Variants in TMEM135 observed in about 807,000 individuals in gnomAD.
The protein encoded by TMEM135 is peroxisomal membrane protein 52.
TMEM135 carries 30 observed loss-of-function variants against 60.3 expected under a neutral mutation model. That is an observed-to-expected ratio of 0.50 (90% CI 0.37 to 0.68). The LOEUF is 0.68. TMEM135 is among the 30% of genes least tolerant of loss of function. The pLI, the probability that TMEM135 is intolerant of heterozygous loss-of-function variation, is 0.00. For synonymous variants in TMEM135, 190 were observed against 186.7 expected (o/e 1.02, Z -0.14); for missense variants, 468 against 548.8 (o/e 0.85, Z 1.47).
At chr11:87,091,456 T>G in intron 4 of TMEM135, 61 bp downstream of exon 4, 1 of 1,553,264 alleles carries the variant, frequency 6.4e-7, no homozygotes. Context: ...TAAAATCAAG[T>G]TTTCTTAAAA....
At chr11:87,213,064 G>C (rs1281715702) in intron 5 of TMEM135, among the ~76,000 whole-genome samples, 1 of 151,932 alleles carries the variant, frequency 6.6e-6, no homozygotes, top group African/African-American at 2.4e-5. Context: ...GGTTCTTATG[G>C]AGCTTACATT....
intron 1 of TMEM135, among the ~76,000 whole-genome samples, chr11:87,056,524 A>G (rs146849221): frequency 5.9e-5 from 9 of 152,360 alleles, no homozygotes; most frequent in Non-Finnish European, 7.3e-5. Context: ...CCTATCAAAG[A>G]TTAGTAAAGG....
intron 6 of TMEM135, among the ~76,000 whole-genome samples, chr11:87,269,630 G>T (rs1447358135): frequency 1.3e-5 from 2 of 151,474 alleles, no homozygotes; most frequent in Admixed American, 6.6e-5. Flanking sequence ...TTTATGAGAA[G>T]GATGATTTCC....
At chr11:87,275,630 A>G (rs370054220) in intron 6 of TMEM135, among the ~76,000 whole-genome samples, 9 of 152,250 alleles carry the variant, frequency 5.9e-5, no homozygotes, top group East Asian at 3.9e-4. Flanking sequence ...AAGAAAAGCC[A>G]AACTAGTCTG....
intron 6 of TMEM135, among the ~76,000 whole-genome samples, chr11:87,288,131 A>G (rs1015009901): frequency 6.6e-6 from 1 of 152,224 alleles, no homozygotes; most frequent in Non-Finnish European, 1.5e-5. Flanking sequence ...GTATCCTATT[A>G]GAGGACTTTC....
Position 87,325,665 on chromosome 11 carries a change from G to A in TMEM135, c.*4332G>A, listed in dbSNP as rs1166716962. 1 of 453,598 alleles carries A rather than the reference G, an allele frequency of 2.2e-6. No individual in the cohort carries two copies. Among genetic ancestry groups the A allele is most frequent in the South Asian group, 1.6e-5 (1 of 64,438 alleles). The allele number at this position is 453,598 out of a possible 1,614,324, so 28.1% of individuals were successfully genotyped here. A position where few individuals can be genotyped will look rare whatever the true frequency, so the allele number is the denominator to read the frequency against. On this transcript the variant is annotated 3_prime_UTR_variant, in exon 15 of 15. Transcript: ENST00000305494. The stretch of plus-strand genomic sequence containing the variant: ...TGAGAGGCTCTGGAGTGATCATAAC[G>A]GTGATAACAATGGAGTAAACATTTC...
At chr11:87,277,694 G>GT (rs1221774147) in intron 6 of TMEM135, among the ~76,000 whole-genome samples, 1 of 151,380 alleles carries the variant, frequency 6.6e-6, no homozygotes, top group African/African-American at 2.4e-5. Context: ...GCTAATTTTT[G>GT]TATTTTTAAT....
In TMEM135 at chr11:87,318,114, C is replaced by T. The variant is rs188132750; in HGVS notation, c.1078-23C>T. 929 of 1,587,444 alleles carry T rather than the reference C, an allele frequency of 5.9e-4. 4 individuals carry two copies. The highest frequency in any genetic ancestry group is 4.7e-4 in the Non-Finnish European group (549 of 1,157,444). On this transcript the variant is annotated intron_variant, in intron 12 of 14. Transcript: ENST00000305494. ...ATGCTGAGGTTTTTTCTTTATAACT[C>T]TTGTCTTATGCTTGTTTTGCAGACA...
rs950757897 is a variant in TMEM135, at chr11:87,045,093, G to A, written c.141+6907G>A. Among the ~76,000 whole-genome samples the A allele has an allele frequency of 2.3e-4, 35 of 151,644 alleles. 1 individual carries two copies. Among genetic ancestry groups the A allele is most frequent in the Non-Finnish European group, 3.7e-4 (25 of 67,948 alleles). ...TGCCCAGGCTGGAGTGCGGTGGCGC[G>A]ATCTAGGCTTACTGCAAGCTGCGCC... On this transcript the variant is annotated intron_variant, in intron 1 of 14. Coordinates refer to ENST00000305494, the MANE Select transcript of TMEM135 (RefSeq NM_022918.4).
intron 5 of TMEM135, among the ~76,000 whole-genome samples, chr11:87,214,607 T>C (rs912367395): frequency 6.6e-6 from 1 of 152,118 alleles, no homozygotes; most frequent in East Asian, 1.9e-4. Context: ...CACCAGGTTA[T>C]GAGGCAAAAT....
At chr11:87,063,030 C>A (rs865973129) in intron 1 of TMEM135, among the ~76,000 whole-genome samples, 6 of 151,968 alleles carry the variant, frequency 3.9e-5, no homozygotes, top group South Asian at 2.1e-4. Flanking sequence ...TCTCCTTGCC[C>A]CAATATTATA....
chr11:87,197,509 G>A (rs1783307017), intron 5 of TMEM135, among the ~76,000 whole-genome samples: 1 of 152,062 alleles, frequency 6.6e-6, no homozygotes, highest in Admixed American at 6.6e-5. Flanking sequence ...ACAGAATTGT[G>A]TCTGAAGTTA....
rs551706882 is a variant in TMEM135 at position 87,148,099 on chromosome 11, C to T, written c.397-9242C>T. On this transcript the variant is annotated intron_variant, in intron 4 of 14. Transcript: ENST00000305494. ...AAAGACATTGTAGACAGTTATTTCC[C>T]TCTGTCACTGACATAGAATGAATGT... Among the ~76,000 whole-genome samples the T allele has an allele frequency of 1.7e-4, 26 of 152,274 alleles. No individual in the cohort carries two copies. In the South Asian group the frequency reaches 4.2e-3, roughly 24 times the overall value.
chr11:87,285,409 T>C (rs1390849628), intron 6 of TMEM135, among the ~76,000 whole-genome samples: 1 of 152,176 alleles, frequency 6.6e-6, no homozygotes, highest in African/African-American at 2.4e-5. Context: ...GTCTGGAGTT[T>C]ATTCCTTCTG....
intron 4 of TMEM135, among the ~76,000 whole-genome samples, chr11:87,104,197 C>T (rs1314379053): frequency 6.6e-6 from 1 of 152,066 alleles, no homozygotes; most frequent in Non-Finnish European, 1.5e-5. Context: ...TTGTTCTTTT[C>T]CTGTTTTGTG....
intron 1 of TMEM135, among the ~76,000 whole-genome samples, chr11:87,045,172 GGTGCC>G (rs1279208029): frequency 3.3e-5 from 5 of 151,576 alleles, no homozygotes; most frequent in Non-Finnish European, 7.4e-5. Context: ...TTGGACTACA[GGTGCC>G]TGCCACCACG....
chr11:87,310,481 A>T (rs1942622506), intron 10 of TMEM135, among the ~76,000 whole-genome samples: 1 of 151,950 alleles, frequency 6.6e-6, no homozygotes, highest in South Asian at 2.1e-4. Context: ...CTTCTAGAGG[A>T]GGGAGGGAGG....
rs144043366 is a variant in TMEM135 at position 87,077,833 on chromosome 11, A to G, written c.362+6218A>G. ...TTGCTTCTTCTGGACATTTTATATA[A>G]TGGAGTCATACAATATGTGTCATTG... On this transcript the variant is annotated intron_variant, in intron 3 of 14. Transcript: ENST00000305494. Among the ~76,000 whole-genome samples the G allele has an allele frequency of 2.7e-3, 413 of 152,294 alleles. 2 individuals carry two copies. Among genetic ancestry groups the G allele is most frequent in the African/African-American group, 9.7e-3 (404 of 41,568 alleles).
intron 5 of TMEM135, among the ~76,000 whole-genome samples, chr11:87,162,604 T>C (rs1206190481): frequency 6.6e-6 from 1 of 152,228 alleles, no homozygotes; most frequent in Non-Finnish European, 1.5e-5. Context: ...CCACATTTTC[T>C]TTATCCAGTC....
Sources: gnomAD v4.1 joint callset for allele counts (sites outside exome capture counted in the v4.1 genomes callset) on GRCh38, gnomAD v4.1.1 for gene constraint, MANE v1.5 for transcripts, NCBI Gene and HGNC (gene_info 2026-07-23, HGNC 2026-07-21) for gene names.